KDM4C: variants seen among roughly 807,000 people sequenced by gnomAD.
The protein encoded by KDM4C is lysine demethylase 4C.
In KDM4C, 81 loss-of-function variants were observed where a neutral mutation model predicts 129.3. The observed-to-expected ratio is 0.63, with a 90% CI of 0.52 to 0.75. KDM4C has a LOEUF of 0.75. Among genes scored for constraint, KDM4C ranks in the 30% least tolerant of loss-of-function variants. The pLI is 0.00. For missense variants in KDM4C, 1,457 were observed against 1,304.0 expected (o/e 1.12, Z -1.81); for synonymous variants, 573 against 456.1 (o/e 1.26, Z -3.26).
intron 8 of KDM4C, among the ~76,000 whole-genome samples, chr9:6,931,159 C>T (rs929240277): frequency 6.6e-6 from 1 of 150,706 alleles, no homozygotes; most frequent in Admixed American, 6.6e-5. Context: ...TCTTGAATTC[C>T]CTCAGTAACA....
intron 12 of KDM4C, among the ~76,000 whole-genome samples, chr9:7,006,327 G>A (rs1288250625): frequency 3.3e-5 from 5 of 152,104 alleles, no homozygotes; most frequent in African/African-American, 4.8e-5. Context: ...ATGTCCTGTG[G>A]GGTTGAGTCT....
Position 6,908,557 on chromosome 9 carries a change from C to G in KDM4C, c.921+15325C>G, listed in dbSNP as rs10120163. ...TGGCCCAACATGCTCCATTTAGCCACGGAGAATCAGGGCAGAACACATCCC... is the reference window on the plus strand; with the variant it reads ...TGGCCCAACATGCTCCATTTAGCCAGGGAGAATCAGGGCAGAACACATCCC... On this transcript the variant is annotated intron_variant, in intron 8 of 21. Transcript: ENST00000381309. Among the ~76,000 whole-genome samples the G allele has an allele frequency of 7.8e-4, 119 of 151,912 alleles. 1 individual carries two copies. Among genetic ancestry groups the G allele is most frequent in the African/African-American group, 2.8e-3 (116 of 41,384 alleles).
chr9:6,957,325 T>G (rs902004044), intron 8 of KDM4C, among the ~76,000 whole-genome samples: 2 of 152,154 alleles, frequency 1.3e-5, no homozygotes, highest in African/African-American at 2.4e-5. Flanking sequence ...AACCCTACCA[T>G]CTATTTTCTT....
chr9:7,158,334 A>C (rs1336219642), intron 19 of KDM4C, among the ~76,000 whole-genome samples: 1 of 140,196 alleles, frequency 7.1e-6, no homozygotes, highest in African/African-American at 2.7e-5. Flanking sequence ...TTTTTTTTTA[A>C]GGGTTTTTTG....
At chr9:6,970,782 A>G (rs1273676145) in intron 8 of KDM4C, among the ~76,000 whole-genome samples, 1 of 151,970 alleles carries the variant, frequency 6.6e-6, no homozygotes, top group Non-Finnish European at 1.5e-5. Flanking sequence ...TATTTAAAAA[A>G]CAGTATTCCC....
chr9:7,044,038 A>G (rs149604447), intron 15 of KDM4C, among the ~76,000 whole-genome samples: 11 of 152,154 alleles, frequency 7.2e-5, no homozygotes, highest in South Asian at 2.1e-4. Flanking sequence ...AGATATTCCA[A>G]TAGCACTCAG....
intron 18 of KDM4C, among the ~76,000 whole-genome samples, chr9:7,112,399 A>G (rs1838428135): frequency 6.6e-6 from 1 of 152,100 alleles, no homozygotes; most frequent in Non-Finnish European, 1.5e-5. Flanking sequence ...TGCTCCAGAG[A>G]GGGTGAGAAG....
chr9:7,111,868 T>C (rs1033782695), intron 18 of KDM4C, among the ~76,000 whole-genome samples: 3 of 152,134 alleles, frequency 2.0e-5, no homozygotes, highest in African/African-American at 7.2e-5. Context: ...GAAATGTTCT[T>C]GGCTAAACAA....
intron 17 of KDM4C, among the ~76,000 whole-genome samples, chr9:7,082,728 G>A (rs1389993621): frequency 1.3e-5 from 2 of 152,152 alleles, no homozygotes; most frequent in African/African-American, 4.8e-5. Flanking sequence ...CTTCCTTGAA[G>A]GCAGGAAGAT....
rs533814564 is a variant in KDM4C at position 6,946,782 on chromosome 9, TCAG to T, written c.922-34139_922-34137del. Among the ~76,000 whole-genome samples, 24 of 152,254 alleles carry T rather than the reference TCAG, an allele frequency of 1.6e-4. 1 individual carries two copies. The South Asian group carries it at 3.7e-3, about 24-fold the overall frequency. ...TTTTTTAATGCCATTTTATGTTCAA[TCAG>T]CAGAAAACTTGTCTTTTTCACTCTT... On this transcript the variant is annotated intron_variant, in intron 8 of 21. Coordinates refer to ENST00000381309, the MANE Select transcript of KDM4C (RefSeq NM_015061.6).
chr9:6,792,883 C>A (rs1256396479), intron 1 of KDM4C, 89 bp from the exon 2 acceptor site: 4 of 1,288,750 alleles, frequency 3.1e-6, no homozygotes, highest in African/African-American at 1.5e-5. Flanking sequence ...GAGAAGGGTT[C>A]CTGCTGGGGG....
At chr9:6,991,025 C>T (rs186833295) in intron 12 of KDM4C, among the ~76,000 whole-genome samples, 1 of 152,114 alleles carries the variant, frequency 6.6e-6, no homozygotes, top group Admixed American at 6.5e-5. Flanking sequence ...GGATGTAACG[C>T]AGTTTCATTT....
rs181981501 is a variant in KDM4C at position 6,924,898 on chromosome 9, G to T, written c.921+31666G>T. 4.4e-4 allele frequency: 430 copies of T among 984,626 alleles called. 4 individuals are homozygous for T. In the African/African-American group the frequency reaches 7.1e-3, roughly 16 times the overall value. The allele number at this position is 984,626 out of a possible 1,614,324, so 61.0% of individuals were successfully genotyped here. ...AATATTTGGGGTGGTGGAGCATTTT[G>T]TTGGTCAGAGTACAGCCTTTAGTTC... is the stretch of plus-strand genomic sequence containing the variant. On this transcript the variant is annotated intron_variant, in intron 8 of 21. Coordinates refer to ENST00000381309, the MANE Select transcript of KDM4C (RefSeq NM_015061.6).
intron 8 of KDM4C, among the ~76,000 whole-genome samples, chr9:6,972,615 G>T (rs1455017228): frequency 6.6e-6 from 1 of 152,118 alleles, no homozygotes; most frequent in Non-Finnish European, 1.5e-5. Flanking sequence ...CCAAATTGTT[G>T]CCATGCTTTA....
At chr9:6,841,657 C>T in intron 4 of KDM4C, among the ~76,000 whole-genome samples, 1 of 152,196 alleles carries the variant, frequency 6.6e-6, no homozygotes, top group African/African-American at 2.4e-5. Flanking sequence ...TTTCAGTAAT[C>T]ATCCAGGGCT....
chr9:6,931,102 TTGGAA>T (rs1217692267), intron 8 of KDM4C, among the ~76,000 whole-genome samples: 1 of 152,094 alleles, frequency 6.6e-6, no homozygotes, highest in Non-Finnish European at 1.5e-5. Context: ...CCATAGGCAC[TTGGAA>T]CCCTCTCTCT....
At chr9:7,046,352 G>A (rs528078639) in intron 15 of KDM4C, among the ~76,000 whole-genome samples, 4 of 152,030 alleles carry the variant, frequency 2.6e-5, no homozygotes, top group Admixed American at 2.6e-4. Context: ...AAAGAGTGAG[G>A]CGCAAGTGTT....
rs1482201829 is a variant in KDM4C at position 6,848,891 on chromosome 9, A to G, written c.436-616A>G. 2.0e-5 allele frequency among the ~76,000 whole-genome samples: 3 copies of G among 152,228 alleles called. No individual in the cohort carries two copies. In the East Asian group the frequency reaches 5.8e-4, roughly 29 times the overall value. ...ATTTTTCCATTAACATAAGAGGTAA[A>G]TATTTATTTGAAGCATCAGTAGAAG... On this transcript the variant is annotated intron_variant, in intron 4 of 21. Coordinates refer to ENST00000381309, the MANE Select transcript of KDM4C (RefSeq NM_015061.6).
At chr9:7,109,762 G>T (rs1838108725) in intron 18 of KDM4C, among the ~76,000 whole-genome samples, 1 of 152,088 alleles carries the variant, frequency 6.6e-6, no homozygotes, top group African/African-American at 2.4e-5. Flanking sequence ...GGACCTTTTG[G>T]AGCCTCTTCT....
Sources: allele counts gnomAD v4.1 joint callset (sites outside exome capture counted in the v4.1 genomes callset), GRCh38; gene constraint gnomAD v4.1.1; transcripts MANE v1.5; gene names NCBI Gene and HGNC (gene_info 2026-07-23, HGNC 2026-07-21).